The following HTRA1 variants were observed in gnomAD, a reference collection of about 807,000 sequenced individuals.
HTRA1 encodes the protein HtrA serine peptidase 1.
Under a neutral mutation model 49.7 loss-of-function variants are expected in HTRA1, and 26 were observed. The observed-to-expected ratio is 0.52, with a 90% CI of 0.38 to 0.73. The LOEUF is 0.73. Among genes scored for constraint, HTRA1 ranks in the 30% least tolerant of loss-of-function variants. HTRA1 has a pLI of 0.00. For missense variants in HTRA1, 561 were observed against 667.2 expected (o/e 0.84, Z 1.75); for synonymous variants, 291 against 286.9 (o/e 1.01, Z -0.14).
chr10:122,472,591 C>A (rs1462463730), intron 1 of HTRA1, among the ~76,000 whole-genome samples: 3 of 152,008 alleles, frequency 2.0e-5, no homozygotes, highest in African/African-American at 4.8e-5. Flanking sequence ...GAGACAGTTT[C>A]GCCATGTTGG....
At chr10:122,497,847 CTG>C (rs773266714) in intron 3 of HTRA1, among the ~76,000 whole-genome samples, 23 of 152,332 alleles carry the variant, frequency 1.5e-4, no homozygotes, top group Non-Finnish European at 2.8e-4. Flanking sequence ...ATCAGCCACT[CTG>C]AAGTTGGTGG....
intron 1 of HTRA1, among the ~76,000 whole-genome samples, chr10:122,468,993 C>T (rs1044021662): frequency 7.2e-5 from 11 of 152,132 alleles, no homozygotes; most frequent in Admixed American, 2.6e-4. Flanking sequence ...AACAATCCTC[C>T]GCAGCATCCC....
In HTRA1 at chr10:122,488,935, A is replaced by T; in HGVS notation, c.506A>T (p.Tyr169Phe). 2 of 1,614,150 alleles carry T rather than the reference A, an allele frequency of 1.2e-6. No individual in the cohort carries two copies. The highest frequency in any genetic ancestry group is 2.2e-5 in the East Asian group (1 of 44,872). The part of the protein sequence containing the change: ...QEDPNSLRHK[Y>F]NFIADVVEKI... ...GATCCCAACAGTTTGCGCCATAAAT[A>T]TAACTTTATCGCGGACGTGGTGGAG... Residue 169 changes from tyrosine (Y) to phenylalanine (F), a missense_variant, in exon 2 of 9, where the codon TAT becomes TTT. By Grantham distance (22) the Tyr-to-Phe change is conservative (BLOSUM62 3). This residue lies in a region of HTRA1 where 271 missense variants were observed against 410.0 expected (regional missense o/e 0.66). Transcript: ENST00000368984.
At chr10:122,495,336 G>A (rs2097498143) in intron 3 of HTRA1, among the ~76,000 whole-genome samples, 1 of 152,250 alleles carries the variant, frequency 6.6e-6, no homozygotes, top group South Asian at 2.1e-4. Flanking sequence ...TGCTAATGAT[G>A]CCACAGACGG....
At chr10:122,491,582 C>T (rs2268351) in intron 3 of HTRA1, among the ~76,000 whole-genome samples, 14,502 of 152,306 alleles carry the variant, frequency 0.095, 1,004 homozygotes, top group South Asian at 0.32. Context: ...ACATACCGTG[C>T]GGCTGCTTCT....
chr10:122,494,869 C>T lies in HTRA1; in HGVS notation c.777+5243C>T, dbSNP rs1489120207. 6.6e-6 allele frequency among the ~76,000 whole-genome samples: 1 copy of T among 152,160 alleles called. No individual in the cohort carries two copies. Among genetic ancestry groups the T allele is most frequent in the Non-Finnish European group, 1.5e-5 (1 of 68,030 alleles). Reference sequence around the variant, plus strand: ...GAGGGGCCTGGGGCCTTTTACATGTCCCGGGAGCTGCTGAGCAGGCCACTC... The same window carrying T: ...GAGGGGCCTGGGGCCTTTTACATGTTCCGGGAGCTGCTGAGCAGGCCACTC... On this transcript the variant is annotated intron_variant, in intron 3 of 8. Transcript: ENST00000368984. The surrounding 1 kb of genome is among the most constrained non-coding windows in gnomAD (Gnocchi z 4.0).
chr10:122,501,656 C>T (rs368243590), intron 3 of HTRA1, among the ~76,000 whole-genome samples: 2 of 152,136 alleles, frequency 1.3e-5, no homozygotes, highest in South Asian at 2.1e-4. Flanking sequence ...CCTCCTCCAA[C>T]GAGTGCTGAG....
chr10:122,475,823 G>A (rs917481443), intron 1 of HTRA1, among the ~76,000 whole-genome samples: 1 of 152,214 alleles, frequency 6.6e-6, no homozygotes, highest in Non-Finnish European at 1.5e-5. Context: ...CTGGTTTCCC[G>A]GAATGTGCAA....
intron 3 of HTRA1, among the ~76,000 whole-genome samples, chr10:122,499,662 C>A (rs1288369676): frequency 6.6e-6 from 1 of 152,240 alleles, no homozygotes; most frequent in African/African-American, 2.4e-5. Context: ...CGTAAACAAC[C>A]CTTCTGCGGC....
chr10:122,500,321 C>A (rs1011416185), intron 3 of HTRA1, among the ~76,000 whole-genome samples: 1 of 152,154 alleles, frequency 6.6e-6, no homozygotes, highest in Admixed American at 6.5e-5. Flanking sequence ...TATTGGGGAC[C>A]CTGTTGCCTG....
chr10:122,490,000 C>T (rs1281562382), intron 3 of HTRA1, among the ~76,000 whole-genome samples: 1 of 152,174 alleles, frequency 6.6e-6, no homozygotes, highest in Non-Finnish European at 1.5e-5. Context: ...CATGCGTTCA[C>T]AATGAACATA....
intron 3 of HTRA1, among the ~76,000 whole-genome samples, chr10:122,499,591 C>A (rs2097500092): frequency 6.6e-6 from 1 of 152,186 alleles, no homozygotes; most frequent in Admixed American, 6.5e-5. Flanking sequence ...CATGTGCTCA[C>A]TTCCCTCCTT....
At chr10:122,469,446 T>G (rs557412238) in intron 1 of HTRA1, among the ~76,000 whole-genome samples, 1 of 152,258 alleles carries the variant, frequency 6.6e-6, no homozygotes, top group South Asian at 2.1e-4. Flanking sequence ...CAGCTAGACA[T>G]AGGGGAGGGA....
chr10:122,472,250 T>G (rs2097486430), intron 1 of HTRA1, among the ~76,000 whole-genome samples: 3 of 152,014 alleles, frequency 2.0e-5, no homozygotes, highest in African/African-American at 4.8e-5. Context: ...ATACATTTGA[T>G]GACATATTGT....
At chr10:122,501,814 G>A (rs545023850) in intron 3 of HTRA1, among the ~76,000 whole-genome samples, 66 of 152,178 alleles carry the variant, frequency 4.3e-4, no homozygotes, top group Non-Finnish European at 6.2e-4. Flanking sequence ...GGTGGTGGCC[G>A]TCTTGTGGCT....
Position 122,494,181 on chromosome 10 carries a change from C to T in HTRA1, c.777+4555C>T, listed in dbSNP as rs2097497401. Among the ~76,000 whole-genome samples, 1 of 152,198 alleles carries T rather than the reference C, an allele frequency of 6.6e-6. No individual in the cohort carries two copies. Among genetic ancestry groups the T allele is most frequent in the Non-Finnish European group, 1.5e-5 (1 of 68,048 alleles). On this transcript the variant is annotated intron_variant, in intron 3 of 8. Transcript: ENST00000368984. This position sits in a 1 kb window ranked among gnomAD's most constrained non-coding sequence, Gnocchi z 4.0. ...TATCACAATTTAGAGTCGCCTCACT[C>T]ATTTGTCAAATGAAGTTCATCTCTG...
intron 1 of HTRA1, among the ~76,000 whole-genome samples, chr10:122,475,510 A>C (rs1181017457): frequency 6.6e-6 from 1 of 152,226 alleles, no homozygotes; most frequent in East Asian, 1.9e-4. Context: ...TTCAAATTTT[A>C]GCCTTTTTAA....
rs2268354 is a variant in HTRA1 at position 122,494,564 on chromosome 10, C to T, written c.777+4938C>T. On this transcript the variant is annotated intron_variant, in intron 3 of 8. Coordinates refer to ENST00000368984, the MANE Select transcript of HTRA1 (RefSeq NM_002775.5). This position sits in a 1 kb window ranked among gnomAD's most constrained non-coding sequence, Gnocchi z 4.0. ...CTTTCCCGTGGGTGCTTTTCCCTGA[C>T]GCCAACAACCAGGTAAATATTTGGA... Among the ~76,000 whole-genome samples, 2,953 of 152,266 alleles carry T rather than the reference C, an allele frequency of 0.019. 77 individuals are homozygous for T. Among genetic ancestry groups the T allele is most frequent in the East Asian group, 0.14 (714 of 5,160 alleles).
chr10:122,483,396 T>A (rs993195671), intron 1 of HTRA1, among the ~76,000 whole-genome samples: 1 of 152,226 alleles, frequency 6.6e-6, no homozygotes, highest in Non-Finnish European at 1.5e-5. Flanking sequence ...AAATCAGTAA[T>A]GAGAAATATT....
Sources: allele counts gnomAD v4.1 joint callset (sites outside exome capture counted in the v4.1 genomes callset), GRCh38; gene constraint gnomAD v4.1.1; regional missense constraint gnomAD v4.1.1; non-coding constraint Gnocchi (gnomAD v3.1); transcripts MANE v1.5; gene names NCBI Gene and HGNC (gene_info 2026-07-23, HGNC 2026-07-21).